C16orf90: variants seen among roughly 807,000 people sequenced by gnomAD.
C16orf90 encodes chromosome 16 open reading frame 90.
A neutral mutation model predicts 17.1 loss-of-function variants in C16orf90; 17 were observed. That is an observed-to-expected ratio of 1.00 (90% CI 0.68 to 1.49). The LOEUF is 1.49. Among genes scored for constraint, C16orf90 ranks in the 40% most tolerant of loss-of-function variants. C16orf90 has a pLI of 0.00. For missense variants in C16orf90, 255 were observed against 235.5 expected (o/e 1.08, Z -0.54); for synonymous variants, 108 against 95.8 (o/e 1.13, Z -0.75).
chr16:3,494,186 C>T (rs1370605383), intron 2 of C16orf90, among the ~76,000 whole-genome samples, 199 bp from the exon 3 acceptor site: 3 of 152,304 alleles, frequency 2.0e-5, no homozygotes, highest in Admixed American at 6.5e-5. Flanking sequence ...GAAGGACCCT[C>T]ATCTAACCTG....
upstream of C16orf90, among the ~76,000 whole-genome samples, chr16:3,495,674 G>T (rs1388257048): frequency 6.6e-6 from 1 of 152,220 alleles, no homozygotes; most frequent in African/African-American, 2.4e-5. Context: ...CTGGGGTCAG[G>T]CCACATAAAA....
chr16:3,495,785 A>T (rs2037300437), upstream of C16orf90, among the ~76,000 whole-genome samples: 1 of 152,124 alleles, frequency 6.6e-6, no homozygotes, highest in Non-Finnish European at 1.5e-5. Context: ...GTACAGACCT[A>T]GGAAGACCTA....
chr16:3,496,215 C>A, upstream of C16orf90: 1 of 587,906 alleles, frequency 1.7e-6, no homozygotes. Context: ...GAGCTGACGT[C>A]CGCCACAAGA....
In C16orf90 at chr16:3,493,878, C is replaced by G; in HGVS notation, c.510G>C (p.Leu170Phe). ...GGGCCCCAGAGCGGGTTCTCTTGCA[C>G]AAGGGACACATGGCCTCTTCCCAGG... Reference protein sequence around the residue: ...WGTWEEAMCPLCKRTRSGALE... With the variant: ...WGTWEEAMCPFCKRTRSGALE... Residue 170 changes from leucine to phenylalanine, a missense_variant, in exon 3 of 3, where the codon TTG becomes TTC. Transcript: ENST00000437192. 6.2e-7 allele frequency: 1 copy of G among 1,607,604 alleles called. No individual in the cohort carries two copies. Among genetic ancestry groups the G allele is most frequent in the Non-Finnish European group, 8.5e-7 (1 of 1,177,238 alleles).
At position 3,493,820 on chromosome 16, in the gene C16orf90, G is replaced by T. The variant is rs9923182; in HGVS notation, c.*19C>A. 1.3e-6 allele frequency: 2 copies of T among 1,587,208 alleles called. No individual in the cohort carries two copies. Among genetic ancestry groups the T allele is most frequent in the Admixed American group, 1.8e-5 (1 of 56,226 alleles). ...GGCCATCCTGCCCCTCCTGTACCCAGTCCTGGCACTCGGGATCCCTATGGC... is the reference window on the plus strand; with the variant it reads ...GGCCATCCTGCCCCTCCTGTACCCATTCCTGGCACTCGGGATCCCTATGGC... On this transcript the variant is annotated 3_prime_UTR_variant, in exon 3 of 3. Transcript: ENST00000437192.
At chr16:3,495,626 G>C, upstream of C16orf90, 1 of 1,133,944 alleles carries the variant, frequency 8.8e-7, no homozygotes, top group Non-Finnish European at 1.2e-6. Context: ...GGCATGGGAA[G>C]GGGCCAGAAC....
At chr16:3,494,200 C>T (rs938992685) in intron 2 of C16orf90, among the ~76,000 whole-genome samples, 3 of 152,152 alleles carry the variant, frequency 2.0e-5, no homozygotes, top group Non-Finnish European at 4.4e-5. Context: ...TAACCTGAAC[C>T]CTCATTTTAC....
chr16:3,496,317 G>A (rs1410027643), upstream of C16orf90: 19 of 1,063,488 alleles, frequency 1.8e-5, no homozygotes, highest in Admixed American at 1.8e-5. Flanking sequence ...CCGTCCAGAC[G>A]AACTAACTCC....
At position 3,494,815 on chromosome 16, in the gene C16orf90, C is replaced by T. The variant is rs1402031759; in HGVS notation, c.109G>A (p.Gly37Arg). The T allele has an allele frequency of 6.4e-7, 1 of 1,567,628 alleles. No homozygotes were observed. Among genetic ancestry groups the T allele is most frequent in the East Asian group, 2.3e-5 (1 of 44,394 alleles). The change falls in exon 2 of 3, where the codon GGG becomes AGG. Residue 37 changes from glycine to arginine, a missense_variant. Gly to Arg is a moderately radical substitution (Grantham distance 125). Coordinates refer to ENST00000437192, the MANE Select transcript of C16orf90 (RefSeq NM_001080524.2). ...HPDAPPNIYE[G>R]GLGSPQPQCP... is the part of the protein sequence containing the mutation. Reference sequence around the variant, plus strand: ...TGCGGCTGCGGGGACCCCAGGCCCCCCTCGTAGATGTTGGGGGGTGCGTCA... The same window carrying T: ...TGCGGCTGCGGGGACCCCAGGCCCCTCTCGTAGATGTTGGGGGGTGCGTCA...
chr16:3,496,303 GT>G (rs2037308803), upstream of C16orf90: 2 of 935,512 alleles, frequency 2.1e-6, no homozygotes, highest in Non-Finnish European at 3.4e-6. Context: ...AGCTGTACAG[GT>G]TACCGTCCAG....
At chr16:3,496,309 G>A (rs1239100475), upstream of C16orf90, 3 of 992,850 alleles carry the variant, frequency 3.0e-6, no homozygotes, top group East Asian at 3.2e-5. Context: ...ACAGGTTACC[G>A]TCCAGACGAA....
chr16:3,494,980 AC>A, intron 1 of C16orf90, 103 bp from the exon 2 acceptor site: 1 of 886,442 alleles, frequency 1.1e-6, no homozygotes, highest in Non-Finnish European at 1.7e-6. Flanking sequence ...GATGGGCTAC[AC>A]CCCCAGCCAA....
At chr16:3,496,473 G>A (rs1233336544), upstream of C16orf90, 5 of 814,938 alleles carry the variant, frequency 6.1e-6, no homozygotes, top group African/African-American at 1.7e-5. Flanking sequence ...AACGGATGAC[G>A]CGAGGGTTCA....
rs1408780613 is a variant in C16orf90 at position 3,494,811 on chromosome 16, C to T, written c.113G>A (p.Gly38Asp). The T allele has an allele frequency of 6.4e-7, 1 of 1,571,298 alleles. No individual in the cohort carries two copies. Among genetic ancestry groups the T allele is most frequent in the Non-Finnish European group, 8.6e-7 (1 of 1,161,732 alleles). ...GCACTGCGGCTGCGGGGACCCCAGG[C>T]CCCCCTCGTAGATGTTGGGGGGTGC... ...PDAPPNIYEG[G>D]LGSPQPQCPS... The change falls in exon 2 of 3, where the codon GGC becomes GAC. Residue 38 changes from glycine (G) to aspartate (D), a missense_variant. By Grantham distance (94) the Gly-to-Asp change is moderately conservative (BLOSUM62 -1). Transcript: ENST00000437192.
Position 3,493,706 on chromosome 16 carries a change from A to G in C16orf90, c.*133T>C. 2.7e-6 allele frequency: 2 copies of G among 746,224 alleles called. 1 individual carries two copies. The highest frequency in any genetic ancestry group is 4.1e-5 in the South Asian group (2 of 48,214). 46.2% of individuals were successfully genotyped at this position (746,224 alleles called of 1,614,324 possible). A position where few individuals can be genotyped will look rare whatever the true frequency, so the allele number is the denominator to read the frequency against. On this transcript the variant is annotated 3_prime_UTR_variant, in exon 3 of 3. Transcript: ENST00000437192. ...TCCCCATCACATTCTCCCGAGGCCC[A>G]GGCCTGGGCGCTGGGCCGCTGCCTG...
upstream of C16orf90, chr16:3,496,339 G>C (rs757180918): frequency 6.8e-6 from 8 of 1,178,384 alleles, 1 homozygote; most frequent in Middle Eastern, 1.0e-3. Context: ...CATTCAACCA[G>C]GTTGTGCTGA....
At position 3,494,816 on chromosome 16, in the gene C16orf90, C is replaced by G; in HGVS notation, c.108G>C (p.Glu36Asp). The G allele has an allele frequency of 1.3e-6, 2 of 1,566,860 alleles. No homozygotes were observed. The highest frequency in any genetic ancestry group is 1.4e-5 in the African/African-American group (1 of 73,068). The change falls in exon 2 of 3, where the codon GAG (glutamate) becomes GAC (aspartate). Residue 36 changes from glutamate to aspartate, a missense_variant. Coordinates refer to ENST00000437192, the MANE Select transcript of C16orf90 (RefSeq NM_001080524.2). ...GHPDAPPNIY[E>D]GGLGSPQPQC... ...GCGGCTGCGGGGACCCCAGGCCCCCCTCGTAGATGTTGGGGGGTGCGTCAG... is the reference window on the plus strand; with the variant it reads ...GCGGCTGCGGGGACCCCAGGCCCCCGTCGTAGATGTTGGGGGGTGCGTCAG...
chr16:3,494,605 G>A lies in C16orf90; in HGVS notation c.319C>T (p.Gln107Ter). ...EGTAWALDLP[Q>*]GTLGPRNSLC... is the part of the protein sequence containing the mutation. ...CTGTTACGTGGGCCCAGAGTCCCCT[G>A]TGGCAGGTCCAGGGCCCAGGCTGTG... The change falls in exon 2 of 3, where the codon CAG becomes TAG. Residue 107 changes from glutamine to a stop codon, truncating the protein, a stop_gained. Coordinates refer to ENST00000437192, the MANE Select transcript of C16orf90 (RefSeq NM_001080524.2). LOFTEE classifies it high-confidence loss of function. 6.2e-7 allele frequency: 1 copy of A among 1,612,784 alleles called. No individual in the cohort carries two copies.
At chr16:3,496,291 C>G (rs1487481383), upstream of C16orf90, 2 of 862,034 alleles carry the variant, frequency 2.3e-6, no homozygotes, top group Non-Finnish European at 3.8e-6. Context: ...GTTTGTTGGT[C>G]AAGCTGTACA....
Sources: allele counts gnomAD v4.1 joint callset (sites outside exome capture counted in the v4.1 genomes callset), GRCh38; gene constraint gnomAD v4.1.1; transcripts MANE v1.5; gene names NCBI Gene and HGNC (gene_info 2026-07-23, HGNC 2026-07-21).